Variants in TBC1D8 observed in about 807,000 individuals in gnomAD.
The protein encoded by TBC1D8 is TBC1 domain family member 8.
In TBC1D8, 65 loss-of-function variants were observed where a neutral mutation model predicts 118.8. That is an observed-to-expected ratio of 0.55 (90% confidence interval 0.45 to 0.67). The LOEUF is 0.67. TBC1D8 is among the 30% of genes least tolerant of loss of function. TBC1D8 has a pLI of 0.00. For synonymous variants in TBC1D8, 566 were observed against 595.8 expected (o/e 0.95, Z 0.73); for missense variants, 1,376 against 1,471.2 (o/e 0.94, Z 1.06).
At chr2:101,124,923 G>A (rs1039022214) in intron 1 of TBC1D8, among the ~76,000 whole-genome samples, 1 of 152,178 alleles carries the variant, frequency 6.6e-6, no homozygotes, top group Non-Finnish European at 1.5e-5. Context: ...GTGAGTCAGA[G>A]CCCTTACCTT....
intron 1 of TBC1D8, among the ~76,000 whole-genome samples, chr2:101,122,496 T>TATA (rs1678176175): frequency 6.6e-6 from 1 of 151,340 alleles, no homozygotes; most frequent in African/African-American, 2.4e-5. Flanking sequence ...TCCAATTTCC[T>TATA]ACAATTGACA....
chr2:101,025,275 G>C (rs1307883542), intron 15 of TBC1D8, among the ~76,000 whole-genome samples: 3 of 151,958 alleles, frequency 2.0e-5, no homozygotes, highest in African/African-American at 7.3e-5. Flanking sequence ...GCCAGGGCTG[G>C]AGTGCAGTGG....
At chr2:101,058,271 A>G (rs1682553830) in intron 3 of TBC1D8, among the ~76,000 whole-genome samples, 1 of 152,156 alleles carries the variant, frequency 6.6e-6, no homozygotes, top group African/African-American at 2.4e-5. Flanking sequence ...ACCAAATCCC[A>G]CAAGTAACCC....
intron 18 of TBC1D8, 144 bp downstream of exon 18, chr2:101,011,307 T>C (rs1290281927): frequency 1.0e-5 from 9 of 889,116 alleles, no homozygotes; most frequent in South Asian, 1.6e-5. Context: ...ACTTCTGTCC[T>C]CTAAAGGCAG....
chr2:101,105,503 C>A (rs1390629246), intron 1 of TBC1D8, among the ~76,000 whole-genome samples: 1 of 150,918 alleles, frequency 6.6e-6, no homozygotes, highest in East Asian at 2.0e-4. Flanking sequence ...GCAGGAGAAT[C>A]ACTTGAACCC....
chr2:101,120,010 A>G (rs1415038555), intron 1 of TBC1D8, among the ~76,000 whole-genome samples: 1 of 152,200 alleles, frequency 6.6e-6, no homozygotes. Flanking sequence ...GTGAGCCAGG[A>G]GCCCAAGAGA....
intron 1 of TBC1D8, among the ~76,000 whole-genome samples, chr2:101,103,319 T>A (rs10210104): frequency 0.55 from 71,673 of 129,956 alleles, 17,978 homozygotes; most frequent in East Asian, 0.65. Context: ...TTCATGATTT[T>A]AAAAAAAAAA....
intron 1 of TBC1D8, among the ~76,000 whole-genome samples, chr2:101,150,035 G>GTT (rs768818947): frequency 6.6e-6 from 1 of 152,210 alleles, no homozygotes; most frequent in Non-Finnish European, 1.5e-5. Flanking sequence ...CGGTCTCAGT[G>GTT]TAAGTCTGCA....
intron 1 of TBC1D8, among the ~76,000 whole-genome samples, chr2:101,113,911 T>C (rs192936962): frequency 6.6e-6 from 1 of 152,278 alleles, no homozygotes; most frequent in East Asian, 1.9e-4. Context: ...AGTCTGCCTG[T>C]TTCATCAGGC....
chr2:101,050,343 G>C, intron 5 of TBC1D8, 58 bp downstream of exon 5: 2 of 1,566,346 alleles, frequency 1.3e-6, no homozygotes, highest in South Asian at 1.2e-5. Context: ...ATAAGGGATG[G>C]GCACAGCTTA....
In TBC1D8 at chr2:101,030,176, A is replaced by T. The variant is rs575350161; in HGVS notation, c.1937-400T>A. On this transcript the variant is annotated intron_variant, in intron 11 of 19. Transcript: ENST00000409318. ...AAGTACTAACCATAGAAAAAATTGT[A>T]AACTGGACTTCATCAAAATTAAAAC... 2.6e-5 allele frequency among the ~76,000 whole-genome samples: 4 copies of T among 152,350 alleles called. No individual in the cohort carries two copies. In the East Asian group the frequency reaches 7.7e-4, roughly 29 times the overall value.
intron 1 of TBC1D8, among the ~76,000 whole-genome samples, chr2:101,096,124 A>C (rs1272330642): frequency 6.6e-6 from 1 of 152,148 alleles, no homozygotes; most frequent in African/African-American, 2.4e-5. Context: ...GGATCTCTCT[A>C]TGTTGCCCAG....
intron 2 of TBC1D8, among the ~76,000 whole-genome samples, chr2:101,066,598 A>G (rs533941542): frequency 8.8e-4 from 134 of 152,324 alleles, no homozygotes; most frequent in Middle Eastern, 6.8e-3. Context: ...TTCCAGACCC[A>G]TGAAATTAAG....
In TBC1D8 at chr2:101,151,191, C is replaced by T. The variant is rs1679550167; in HGVS notation, c.63G>A (p.Lys21=). The T allele has an allele frequency of 1.6e-6, 2 of 1,259,138 alleles. No homozygotes were observed. The highest frequency in any genetic ancestry group is 2.0e-6 in the Non-Finnish European group (2 of 976,746). 78.0% of individuals were successfully genotyped at this position (1,259,138 alleles called of 1,614,324 possible). A position where few individuals can be genotyped will look rare whatever the true frequency, so the allele number is the denominator to read the frequency against. ...GCTGCAGGATGAAGTAGCAGCTGCT[C>T]TTCTGGGTCACCCAGAGCTTCAGCG... ...KNALKLWVTQ[K]SSCYFILQRR... is the part of the protein sequence containing the mutation. The change falls in exon 1 of 20, where the codon AAG becomes AAA. Residue 21 remains lysine (K), a synonymous_variant. Coordinates refer to ENST00000409318, the MANE Select transcript of TBC1D8 (RefSeq NM_001330348.2).
At chr2:101,039,109 T>C (rs1300583479) in intron 6 of TBC1D8, among the ~76,000 whole-genome samples, 3 of 152,154 alleles carry the variant, frequency 2.0e-5, no homozygotes, top group Non-Finnish European at 4.4e-5. Flanking sequence ...AGTGTTTCCA[T>C]TGTCAGTGAT....
chr2:101,140,381 A>G (rs1679050540), intron 1 of TBC1D8, among the ~76,000 whole-genome samples: 1 of 152,188 alleles, frequency 6.6e-6, no homozygotes, highest in African/African-American at 2.4e-5. Flanking sequence ...CACCCCACGC[A>G]TGCTAGACAT....
At position 101,007,988 on chromosome 2, in the gene TBC1D8, C is replaced by A. The variant is rs1431497518; in HGVS notation, c.3301G>T (p.Glu1101Ter). ...AAERDWTVSL[E>*]HILASLLTEQ... ...GTCAGAAGTGAAGCTAAAATATGTT[C>A]AAGGGAGACAGTCCAGTCCCTTTCT... The change falls in exon 20 of 20, where the codon GAA becomes TAA. Residue 1101 changes from glutamate to a stop codon, truncating the protein, a stop_gained. Transcript: ENST00000409318. LOFTEE classifies it high-confidence loss of function. The A allele has an allele frequency of 1.2e-6, 2 of 1,613,880 alleles. No homozygotes were observed. Among genetic ancestry groups the A allele is most frequent in the African/African-American group, 1.3e-5 (1 of 74,918 alleles).
At chr2:101,136,810 G>A (rs1678871095) in intron 1 of TBC1D8, among the ~76,000 whole-genome samples, 2 of 152,092 alleles carry the variant, frequency 1.3e-5, no homozygotes, top group South Asian at 2.1e-4. Context: ...CCTTGCTTAC[G>A]TTTCACATTT....
At position 101,033,358 on chromosome 2, in the gene TBC1D8, TGATTATAA is replaced by T. The variant is rs537532524; in HGVS notation, c.1818+178_1818+185del. On this transcript the variant is annotated intron_variant, in intron 10 of 19. Transcript: ENST00000409318. ...TCGATCTCCTGACCTCATGATCCGT[TGATTATAA>T]GATGAGTAGTCCCTTTGGCCCTCAT... 6.5e-3 allele frequency: 4,778 copies of T among 736,098 alleles called. 45 individuals are homozygous for T. Among genetic ancestry groups the T allele is most frequent in the South Asian group, 0.02 (1,327 of 66,984 alleles). 45.6% of individuals were successfully genotyped at this position (736,098 alleles called of 1,614,324 possible).
Sources: gnomAD v4.1 joint callset for allele counts (sites outside exome capture counted in the v4.1 genomes callset) on GRCh38, gnomAD v4.1.1 for gene constraint, MANE v1.5 for transcripts, NCBI Gene and HGNC (gene_info 2026-07-23, HGNC 2026-07-21) for gene names.